The following KLHL14 variants were observed in gnomAD, a reference collection of about 807,000 sequenced individuals.
The protein encoded by KLHL14 is kelch-like protein 14.
Under a neutral mutation model 64.3 loss-of-function variants are expected in KLHL14, and 22 were observed. The ratio of observed to expected loss-of-function variants is 0.34; its 90% CI spans 0.24 to 0.49. The LOEUF (loss-of-function observed/expected upper bound fraction) is 0.49, where lower values mean the gene tolerates loss of function less well. KLHL14 is among the 20% of genes least tolerant of loss of function. The pLI is 0.99. For missense variants in KLHL14, 661 were observed against 789.0 expected, an observed-to-expected ratio of 0.84 and a Z score of 1.94; for synonymous variants, 322 against 333.4, an observed-to-expected ratio of 0.97 and a Z score of 0.37.
chr18:32,734,911 C>T (rs12966825), intron 3 of KLHL14, among the ~76,000 whole-genome samples: 4,686 of 151,754 alleles, frequency 0.031, 115 homozygotes, highest in Admixed American at 0.054. Flanking sequence ...TGCGTGCACG[C>T]GCACACATGC....
intron 2 of KLHL14, among the ~76,000 whole-genome samples, chr18:32,766,867 A>G (rs777479307): frequency 2.0e-5 from 3 of 152,116 alleles, no homozygotes; most frequent in Non-Finnish European, 4.4e-5. Flanking sequence ...CAAAATTAAT[A>G]ATCTTTAAAA....
At chr18:32,707,888 T>C (rs541899222) in intron 3 of KLHL14, among the ~76,000 whole-genome samples, 1 of 152,326 alleles carries the variant, frequency 6.6e-6, no homozygotes, top group East Asian at 1.9e-4. Context: ...TTAGTTCTCC[T>C]AGTGAGTCAC....
At chr18:32,768,030 GC>G (rs1296024794) in intron 2 of KLHL14, among the ~76,000 whole-genome samples, 1 of 152,094 alleles carries the variant, frequency 6.6e-6, no homozygotes, top group African/African-American at 2.4e-5. Context: ...AATCACCAAG[GC>G]CCATCGCCCA....
intron 3 of KLHL14, among the ~76,000 whole-genome samples, chr18:32,731,643 A>G (rs571561513): frequency 1.3e-5 from 2 of 152,302 alleles, no homozygotes; most frequent in East Asian, 3.9e-4. Context: ...TTGAAAAAGA[A>G]GTCGTTTCAG....
At chr18:32,693,968 T>TTTTTG (rs538621363) in intron 4 of KLHL14, among the ~76,000 whole-genome samples, 33 of 148,868 alleles carry the variant, frequency 2.2e-4, no homozygotes, top group South Asian at 1.3e-3. Flanking sequence ...TACAGGTGTT[T>TTTTTG]TTTTGTTTTG....
chr18:32,692,315 C>T (rs534068402), intron 4 of KLHL14, among the ~76,000 whole-genome samples: 1 of 152,222 alleles, frequency 6.6e-6, no homozygotes, highest in South Asian at 2.1e-4. Flanking sequence ...ACTTCAAGGG[C>T]ACACATCTCA....
intron 1 of KLHL14, 52 bp downstream of exon 1, chr18:32,772,615 C>T (rs1325605472): frequency 6.7e-6 from 1 of 149,300 alleles, no homozygotes; most frequent in Non-Finnish European, 1.5e-5. Context: ...CTCCAACAAT[C>T]CAAAAGACAG....
intron 5 of KLHL14, among the ~76,000 whole-genome samples, chr18:32,681,480 A>C (rs772812868): frequency 2.6e-5 from 4 of 152,142 alleles, no homozygotes; most frequent in Non-Finnish European, 5.9e-5. Flanking sequence ...AGCTGAGGGA[A>C]AATAACATTC....
In KLHL14 at chr18:32,681,063, T is replaced by G. The variant is rs532753936; in HGVS notation, c.1239-464A>C. Among the ~76,000 whole-genome samples, 3 of 152,234 alleles carry G rather than the reference T, an allele frequency of 2.0e-5. No homozygotes were observed. In the South Asian group the frequency reaches 6.2e-4, roughly 32 times the overall value. On this transcript the variant is annotated intron_variant, in intron 5 of 8. Transcript: ENST00000359358. ...TAAGAGAACTACATCATCAAAAATT[T>G]TCTTCAATTATCACTTTTTTTACCC...
chr18:32,693,413 C>CACACACACAGAGAGAG (rs1229737083), intron 4 of KLHL14, among the ~76,000 whole-genome samples: 148 of 97,030 alleles, frequency 1.5e-3, no homozygotes, highest in African/African-American at 7.1e-3. Context: ...CACACACACA[C>CACACACACAGAGAGAG]AGAGAGAGAG....
chr18:32,756,316 C>T (rs2050281409), intron 2 of KLHL14, among the ~76,000 whole-genome samples: 1 of 152,134 alleles, frequency 6.6e-6, no homozygotes, highest in African/African-American at 2.4e-5. Flanking sequence ...CCTGCTGGCA[C>T]CTTGGTCTTG....
At chr18:32,734,378 C>G (rs548263939) in intron 3 of KLHL14, 1 of 633,204 alleles carries the variant, frequency 1.6e-6, no homozygotes, top group African/African-American at 1.8e-5. Context: ...CTGAATGACT[C>G]TGTGGAGCAG....
chr18:32,690,814 T>C (rs1214968808), intron 4 of KLHL14, among the ~76,000 whole-genome samples: 1 of 152,120 alleles, frequency 6.6e-6, no homozygotes, highest in Non-Finnish European at 1.5e-5. Context: ...TTAAGGATTA[T>C]AGATATTTTG....
chr18:32,690,192 G>A (rs146646618), intron 4 of KLHL14, among the ~76,000 whole-genome samples: 1 of 152,238 alleles, frequency 6.6e-6, no homozygotes, highest in Non-Finnish European at 1.5e-5. Context: ...GACACAAGGG[G>A]ATGACAGACA....
At chr18:32,708,039 A>T (rs774510571) in intron 3 of KLHL14, among the ~76,000 whole-genome samples, 1 of 152,168 alleles carries the variant, frequency 6.6e-6, no homozygotes. Context: ...GGGAGAGATA[A>T]ATTATCCAAC....
In KLHL14 at chr18:32,761,897, T is replaced by A. The variant is rs569916135; in HGVS notation, c.947+7748A>T. 3.9e-5 allele frequency among the ~76,000 whole-genome samples: 6 copies of A among 152,330 alleles called. No homozygotes were observed. In the East Asian group the frequency reaches 1.2e-3, roughly 29 times the overall value. On this transcript the variant is annotated intron_variant, in intron 2 of 8. Transcript: ENST00000359358. ...TATCAGTGTGACACAGTCATGGGCC[T>A]GCATTTAGAAAGCTGTCAGAGGTCC...
intron 4 of KLHL14, among the ~76,000 whole-genome samples, chr18:32,690,590 A>T (rs1408092925): frequency 1.3e-5 from 2 of 151,986 alleles, no homozygotes; most frequent in African/African-American, 4.8e-5. Context: ...TTAGCTGGGG[A>T]TGGCGGTGGG....
In KLHL14 at chr18:32,770,394, G is replaced by C. The variant is rs753098230; in HGVS notation, c.198C>G (p.Pro66=). The change falls in exon 2 of 9, where the codon CCC becomes CCG. Residue 66 remains proline, a synonymous_variant. Coordinates refer to ENST00000359358, the MANE Select transcript of KLHL14 (RefSeq NM_020805.3). This position sits in a 1 kb window ranked among gnomAD's most constrained non-coding sequence, Gnocchi z 6.7. ...GGCCGCCGACCCCTCCCCCGAGAGG[G>C]GGGTGGCTGGAGAAGAGCGATCGGA... The part of the protein sequence containing the change: ...QYFRSLFSSH[P]PLGGGVGGQD... 5.0e-6 allele frequency: 8 copies of C among 1,597,676 alleles called. No individual in the cohort carries two copies. In the South Asian group the frequency reaches 7.9e-5, roughly 16 times the overall value.
At chr18:32,718,990 C>T (rs561022769) in intron 3 of KLHL14, among the ~76,000 whole-genome samples, 325 of 152,200 alleles carry the variant, frequency 2.1e-3, no homozygotes, top group Non-Finnish European at 3.3e-3. Context: ...CTCTTGTTGC[C>T]CAGACTGGAG....
Sources: gnomAD v4.1 joint callset for allele counts (sites outside exome capture counted in the v4.1 genomes callset) on GRCh38, gnomAD v4.1.1 for gene constraint, Gnocchi (gnomAD v3.1) non-coding constraint, MANE v1.5 for transcripts, NCBI Gene and HGNC (gene_info 2026-07-23, HGNC 2026-07-21) for gene names.